Variants in CUL2 observed in about 807,000 individuals in gnomAD.
CUL2 encodes the protein cullin 2.
In CUL2, 22 loss-of-function variants were observed where a neutral mutation model predicts 110.2. The ratio of observed to expected loss-of-function variants is 0.20; its 90% CI spans 0.14 to 0.28. The LOEUF (loss-of-function observed/expected upper bound fraction) is 0.28, where lower values mean the gene tolerates loss of function less well. Among genes scored for constraint, CUL2 ranks in the 10% least tolerant of loss-of-function variants. The probability of loss-of-function intolerance (pLI) is 1.00; values close to 1 mark genes in which losing one functional copy is unlikely to be tolerated. For synonymous variants in CUL2, 279 were observed against 293.2 expected (o/e 0.95, Z 0.49); for missense variants, 631 against 905.5 (o/e 0.70, Z 3.89).
chr10:35,107,062 C>T (rs1422755616), intron 1 of CUL2, among the ~76,000 whole-genome samples: 2 of 152,064 alleles, frequency 1.3e-5, no homozygotes, highest in Non-Finnish European at 2.9e-5. Context: ...GCAAGCTCCA[C>T]CTCCCGGGTT....
At chr10:35,040,368 C>A (rs2134774556) in intron 8 of CUL2, among the ~76,000 whole-genome samples, 1 of 152,264 alleles carries the variant, frequency 6.6e-6, no homozygotes, top group African/African-American at 2.4e-5. Flanking sequence ...AACATATACA[C>A]AGACAAATGC....
intron 15 of CUL2, 87 bp from the exon 16 acceptor site, chr10:35,028,974 A>G: frequency 3.7e-6 from 3 of 816,152 alleles, no homozygotes; most frequent in Non-Finnish European, 5.7e-6. Context: ...CTAAGCATCT[A>G]AAACATTTTT....
intron 9 of CUL2, among the ~76,000 whole-genome samples, chr10:35,036,160 C>T (rs2085615814): frequency 6.6e-6 from 1 of 152,204 alleles, no homozygotes; most frequent in Admixed American, 6.5e-5. Flanking sequence ...GCTGTGACTT[C>T]TAAATCACAG....
rs1297318923 is a variant in CUL2, at chr10:35,038,443, T to G, written c.877+477A>C. 3.0e-5 allele frequency among the ~76,000 whole-genome samples: 4 copies of G among 134,682 alleles called. No individual in the cohort carries two copies. The Admixed American group carries it at 3.5e-4, about 12-fold the overall frequency. The allele number at this position is 134,682 out of a possible 152,430, so 88.4% of individuals were successfully genotyped here. A position where few individuals can be genotyped will look rare whatever the true frequency, so the allele number is the denominator to read the frequency against. On this transcript the variant is annotated intron_variant, in intron 9 of 20. Transcript: ENST00000374749. ...CAGGAGTCTGAGGCAGGAGAATCAC[T>G]TGAATCTGGGAGGCGGAGGTTGCAG... is the stretch of plus-strand genomic sequence containing the variant.
chr10:35,034,188 T>A (rs1396213538), intron 10 of CUL2, among the ~76,000 whole-genome samples: 1 of 152,214 alleles, frequency 6.6e-6, no homozygotes, highest in African/African-American at 2.4e-5. Flanking sequence ...TATGTTTCCA[T>A]CTCCCAGCCT....
intron 1 of CUL2, among the ~76,000 whole-genome samples, chr10:35,082,944 G>C (rs1057151705): frequency 6.6e-6 from 1 of 152,092 alleles, no homozygotes; most frequent in African/African-American, 2.4e-5. Flanking sequence ...GATCACTTGA[G>C]GTCAGGAGTT....
intron 1 of CUL2, among the ~76,000 whole-genome samples, chr10:35,088,082 T>C (rs1042154457): frequency 2.0e-5 from 3 of 152,228 alleles, no homozygotes; most frequent in Non-Finnish European, 2.9e-5. Flanking sequence ...GGTTACAGTA[T>C]CTGAAGTAAT....
rs568014924 is a variant in CUL2, at chr10:35,083,079, C to A, written c.-23+7100G>T. 4.3e-4 allele frequency among the ~76,000 whole-genome samples: 65 copies of A among 150,958 alleles called. 1 individual carries two copies. In the South Asian group the frequency reaches 0.013, roughly 30 times the overall value. On this transcript the variant is annotated intron_variant, in intron 1 of 20. Coordinates refer to ENST00000374749, the MANE Select transcript of CUL2 (RefSeq NM_003591.4). Reference sequence around the variant, plus strand: ...GGCTGAGGCAGGAGAATCGCTTGAACCCAGGAGGCAAAGGTTGCAGTGAGC... The same window carrying A: ...GGCTGAGGCAGGAGAATCGCTTGAAACCAGGAGGCAAAGGTTGCAGTGAGC...
chr10:35,049,813 T>A (rs373908876), intron 5 of CUL2, 48 bp from the exon 6 acceptor site: 2 of 1,263,202 alleles, frequency 1.6e-6, no homozygotes, highest in South Asian at 2.6e-5. Context: ...TTAGTATATG[T>A]TTAACATTTC....
rs78263878 is a variant in CUL2, at chr10:35,009,869, AT to A, written c.*441del. The A allele has an allele frequency of 8.0e-4, 118 of 148,234 alleles. 1 individual carries two copies. Among genetic ancestry groups the A allele is most frequent in the African/African-American group, 2.2e-3 (89 of 40,334 alleles). The allele number at this position is 148,234 out of a possible 1,614,324, so 9.2% of individuals were successfully genotyped here. ...CATAAAAAAGGCATTCTATTTCTTT[AT>A]TTTTTTTTTATTTGACAAGCAGCAG... On this transcript the variant is annotated 3_prime_UTR_variant, in exon 21 of 21. Coordinates refer to ENST00000374749, the MANE Select transcript of CUL2 (RefSeq NM_003591.4).
At chr10:35,092,309 G>A (rs925394013), upstream of CUL2, among the ~76,000 whole-genome samples, 2 of 152,118 alleles carry the variant, frequency 1.3e-5, no homozygotes, top group South Asian at 2.1e-4. Flanking sequence ...AAAGGAATAC[G>A]GACACTATTG....
chr10:35,085,398 C>A (rs933698263), intron 1 of CUL2, among the ~76,000 whole-genome samples: 3 of 150,972 alleles, frequency 2.0e-5, no homozygotes, highest in South Asian at 2.1e-4. Flanking sequence ...CCACTGCGCT[C>A]CAGCCTGGGC....
chr10:35,031,632 T>G lies in CUL2; in HGVS notation c.1171-13A>C. 1 of 1,613,646 alleles carries G rather than the reference T, an allele frequency of 6.2e-7. No individual in the cohort carries two copies. Among genetic ancestry groups the G allele is most frequent in the South Asian group, 1.1e-5 (1 of 91,038 alleles). ...AGTACTTAGCAAGCTCATGTAGAAA[T>G]TGATAATAAATCTTACAAAGGGTGC... On this transcript the variant is annotated splice_polypyrimidine_tract_variant and intron_variant, in intron 12 of 20. Coordinates refer to ENST00000374749, the MANE Select transcript of CUL2 (RefSeq NM_003591.4). This position sits in a 1 kb window ranked among gnomAD's most constrained non-coding sequence, Gnocchi z 4.4.
At chr10:35,050,516 T>C (rs2134848240) in intron 5 of CUL2, among the ~76,000 whole-genome samples, 1 of 152,246 alleles carries the variant, frequency 6.6e-6, no homozygotes, top group Non-Finnish European at 1.5e-5. Flanking sequence ...AAAAGAGTAA[T>C]AAAACATTCC....
At position 35,054,456 on chromosome 10, in the gene CUL2, T is replaced by A. The variant is rs1168109622; in HGVS notation, c.401A>T (p.Glu134Val). Residue 134 changes from glutamate to valine, a missense_variant, in exon 5 of 21, where the codon GAA (glutamate) becomes GTA (valine). Physicochemically the swap from Glu to Val is moderately radical, Grantham distance 121. Transcript: ENST00000374749. ...TACCTCTCCTATTTCCATAAGTGGT[T>A]CATTCATATCTACACCACCATAGCC... ...QYGYGGVDMN[E>V]PLMEIGELAL... The A allele has an allele frequency of 1.9e-6, 3 of 1,579,418 alleles. No homozygotes were observed. The South Asian group carries it at 3.5e-5, about 18-fold the overall frequency.
intron 1 of CUL2, among the ~76,000 whole-genome samples, chr10:35,073,412 T>A (rs920085514): frequency 2.6e-5 from 4 of 152,076 alleles, no homozygotes; most frequent in Non-Finnish European, 5.9e-5. Flanking sequence ...TCCATACTTG[T>A]ATAGCCCTAC....
Position 35,016,943 on chromosome 10 carries a change from C to CA in CUL2, c.1685-550dup, listed in dbSNP as rs1281466745. On this transcript the variant is annotated intron_variant, in intron 17 of 20. Transcript: ENST00000374749. ...CTCTGTCTCAAAAAAAAAAAAAAAA[C>CA]AAAAAAAAAAGTCTTTAAATATTAA... 4.6e-3 allele frequency among the ~76,000 whole-genome samples: 588 copies of CA among 129,034 alleles called. 2 individuals carry two copies. The highest frequency in any genetic ancestry group is 5.4e-3 in the Non-Finnish European group (323 of 59,864). The allele number at this position is 129,034 out of a possible 152,430, so 84.7% of individuals were successfully genotyped here. A position where few individuals can be genotyped will look rare whatever the true frequency, so the allele number is the denominator to read the frequency against.
At chr10:35,010,933 T>G (rs1280187517) in intron 20 of CUL2, among the ~76,000 whole-genome samples, 1 of 152,232 alleles carries the variant, frequency 6.6e-6, no homozygotes, top group Non-Finnish European at 1.5e-5. Context: ...CCAGCCCAGC[T>G]GTCTATCACA....
In CUL2 at chr10:35,082,003, C is replaced by T. The variant is rs377268945; in HGVS notation, c.-23+8176G>A. Among the ~76,000 whole-genome samples, 8 of 152,128 alleles carry T rather than the reference C, an allele frequency of 5.3e-5. No homozygotes were observed. The South Asian group carries it at 1.7e-3, about 32-fold the overall frequency. Reference sequence around the variant, plus strand: ...CAACTTTCTTGACACCTCCTGTTTACAATCCCAAAGAGAGCCAGTGAGTTG... The same window carrying T: ...CAACTTTCTTGACACCTCCTGTTTATAATCCCAAAGAGAGCCAGTGAGTTG... On this transcript the variant is annotated intron_variant, in intron 1 of 20. Transcript: ENST00000374749.
Sources: allele counts gnomAD v4.1 joint callset (sites outside exome capture counted in the v4.1 genomes callset), GRCh38; gene constraint gnomAD v4.1.1; non-coding constraint Gnocchi (gnomAD v3.1); transcripts MANE v1.5; gene names NCBI Gene and HGNC (gene_info 2026-07-23, HGNC 2026-07-21).